Variants in KAZN observed in about 807,000 individuals in gnomAD.
The protein encoded by KAZN is kazrin.
Under a neutral mutation model 87.4 loss-of-function variants are expected in KAZN, and 40 were observed. The observed-to-expected ratio is 0.46, with a 90% CI of 0.36 to 0.60. The LOEUF is 0.60. Among genes scored for constraint, KAZN ranks in the 20% least tolerant of loss-of-function variants. The pLI, the probability that KAZN is intolerant of heterozygous loss-of-function variation, is 0.00. For missense variants in KAZN, 898 were observed against 1,073.9 expected (o/e 0.84, Z 2.29); for synonymous variants, 466 against 458.3 (o/e 1.02, Z -0.22).
intron 2 of KAZN, among the ~76,000 whole-genome samples, chr1:15,001,981 C>G (rs569860822): frequency 6.7e-6 from 1 of 149,414 alleles, no homozygotes. Flanking sequence ...CCTGGGTTCA[C>G]GCCATTCTCC....
chr1:14,814,631 G>A (rs1347554284), intron 1 of KAZN, among the ~76,000 whole-genome samples: 1 of 152,188 alleles, frequency 6.6e-6, no homozygotes, highest in Non-Finnish European at 1.5e-5. Context: ...CCCAGCAAGG[G>A]CTCCTACCTG....
intron 1 of KAZN, among the ~76,000 whole-genome samples, chr1:14,741,638 A>G (rs1199516843): frequency 4.6e-5 from 7 of 152,300 alleles, no homozygotes; most frequent in African/African-American, 1.4e-4. Context: ...TACTTGCTGA[A>G]CTGAAAAGGA....
intron 1 of KAZN, among the ~76,000 whole-genome samples, chr1:14,000,404 A>G (rs940468423): frequency 9.8e-5 from 15 of 152,362 alleles, no homozygotes; most frequent in African/African-American, 3.6e-4. Context: ...ACACAAATCA[A>G]TAAATGTAAT....
At chr1:13,960,532 A>T (rs1054612200) in intron 1 of KAZN, among the ~76,000 whole-genome samples, 1 of 152,152 alleles carries the variant, frequency 6.6e-6, no homozygotes, top group African/African-American at 2.4e-5. Context: ...ACTCACACCT[A>T]ACCAGGGCCA....
chr1:13,953,555 A>C (rs1641432662), intron 1 of KAZN, among the ~76,000 whole-genome samples: 2 of 152,196 alleles, frequency 1.3e-5, no homozygotes, highest in African/African-American at 4.8e-5. Flanking sequence ...TGCTAATGAT[A>C]GTTCTGATCT....
At chr1:14,868,058 A>ACGG (rs1651710300) in intron 1 of KAZN, among the ~76,000 whole-genome samples, 1 of 75,010 alleles carries the variant, frequency 1.3e-5, no homozygotes, top group Non-Finnish European at 3.5e-5. Context: ...TCACATACGC[A>ACGG]CAGCATTGCA....
chr1:13,990,738 G>A (rs189884720), intron 1 of KAZN, among the ~76,000 whole-genome samples: 127 of 152,302 alleles, frequency 8.3e-4, no homozygotes, highest in Non-Finnish European at 1.3e-3. Context: ...GGCGTTTGGA[G>A]TGAAATGTAC....
At chr1:13,962,276 A>G in intron 1 of KAZN, among the ~76,000 whole-genome samples, 1 of 151,958 alleles carries the variant, frequency 6.6e-6, no homozygotes, top group East Asian at 1.9e-4. Context: ...GCAGGAGGTG[A>G]GGCCAGAGAG....
chr1:15,046,731 C>T (rs1673591837), intron 4 of KAZN, among the ~76,000 whole-genome samples: 1 of 152,204 alleles, frequency 6.6e-6, no homozygotes, highest in Non-Finnish European at 1.5e-5. Flanking sequence ...GTGAGAACTG[C>T]TGGGCAGGAA....
chr1:13,938,024 C>T (rs1446178023), intron 1 of KAZN, among the ~76,000 whole-genome samples: 2 of 151,956 alleles, frequency 1.3e-5, no homozygotes, highest in Non-Finnish European at 2.9e-5. Context: ...TTTTTTGGTT[C>T]CATGTGAATT....
intron 1 of KAZN, among the ~76,000 whole-genome samples, chr1:14,833,467 T>C (rs2100889888): frequency 6.6e-6 from 1 of 152,252 alleles, no homozygotes; most frequent in African/African-American, 2.4e-5. Context: ...GGGTACATTG[T>C]TGAGCAGTCA....
chr1:14,062,121 T>C lies in KAZN; in HGVS notation c.92-118314T>C, dbSNP rs1179221160. 2.0e-5 allele frequency among the ~76,000 whole-genome samples: 3 copies of C among 152,268 alleles called. No individual in the cohort carries two copies. In the East Asian group the frequency reaches 5.8e-4, roughly 29 times the overall value. ...AGAATCAGAATAAGGAAAAATTCTA[T>C]ACCAGGACACTTAGCCACCAAATAA... On this transcript the variant is annotated intron_variant, in intron 1 of 16. Coordinates refer to the KAZN transcript ENST00000636203.
chr1:14,832,699 A>T (rs1262975252), intron 1 of KAZN, among the ~76,000 whole-genome samples: 1 of 152,264 alleles, frequency 6.6e-6, no homozygotes, highest in Non-Finnish European at 1.5e-5. Context: ...GCTAATGCAC[A>T]GCCCACGTGC....
At chr1:14,840,280 G>A (rs574754723) in intron 1 of KAZN, among the ~76,000 whole-genome samples, 2 of 152,136 alleles carry the variant, frequency 1.3e-5, no homozygotes, top group Non-Finnish European at 2.9e-5. Flanking sequence ...AAAGTCTGGG[G>A]TGGGGGATCT....
chr1:14,690,111 C>T (rs1209662150), intron 1 of KAZN, among the ~76,000 whole-genome samples: 1 of 152,164 alleles, frequency 6.6e-6, no homozygotes, highest in Admixed American at 6.5e-5. Context: ...AATGGCTGCC[C>T]TCCATGAACA....
chr1:14,012,625 C>T lies in KAZN; in HGVS notation c.91+118869C>T, dbSNP rs570959090. ...TTCAAGACCTGCCTGGCCAACATGG[C>T]GAAACTTCATCTCTACTACAAATAT... On this transcript the variant is annotated intron_variant, in intron 1 of 16. Coordinates refer to the KAZN transcript ENST00000636203. Among the ~76,000 whole-genome samples the T allele has an allele frequency of 1.1e-4, 16 of 152,164 alleles. No individual in the cohort carries two copies. The East Asian group carries it at 2.5e-3, about 24-fold the overall frequency.
At chr1:14,387,862 G>A (rs1046342628) in intron 2 of KAZN, among the ~76,000 whole-genome samples, 146 of 152,334 alleles carry the variant, frequency 9.6e-4, no homozygotes, top group Admixed American at 4.2e-3. Context: ...CTTCCCGGCT[G>A]CTTTGTTTAC....
At chr1:14,780,231 T>C (rs1348195715) in intron 1 of KAZN, among the ~76,000 whole-genome samples, 2 of 152,254 alleles carry the variant, frequency 1.3e-5, no homozygotes, top group Non-Finnish European at 2.9e-5. Flanking sequence ...GCAGCCCCTC[T>C]GGCTTGTCCT....
intron 1 of KAZN, among the ~76,000 whole-genome samples, chr1:14,756,307 A>G (rs953709105): frequency 5.9e-5 from 9 of 152,124 alleles, no homozygotes; most frequent in East Asian, 1.9e-4. Context: ...ATTTCCTTCC[A>G]TCTAATGGAT....
Sources: gnomAD v4.1 joint callset for allele counts (sites outside exome capture counted in the v4.1 genomes callset) on GRCh38, gnomAD v4.1.1 for gene constraint, MANE v1.5 for transcripts, NCBI Gene and HGNC (gene_info 2026-07-23, HGNC 2026-07-21) for gene names.